Variants in RAD51B observed in about 807,000 individuals in gnomAD.
The protein encoded by RAD51B is RAD51 paralog B.
A neutral mutation model predicts 42.2 loss-of-function variants in RAD51B; 38 were observed. The observed-to-expected ratio is 0.90, with a 90% CI of 0.70 to 1.18. RAD51B has a LOEUF of 1.18. RAD51B is among the 50% of genes most tolerant of loss of function. The pLI is 0.00. For missense variants in RAD51B, 373 were observed against 400.7 expected (o/e 0.93, Z 0.59); for synonymous variants, 154 against 145.2 (o/e 1.06, Z -0.43).
At position 68,178,891 on chromosome 14, in the gene RAD51B, A is replaced by T. The variant is rs150520254; in HGVS notation, c.757-112993A>T. Among the ~76,000 whole-genome samples the T allele has an allele frequency of 4.6e-4, 70 of 152,336 alleles. 1 individual carries two copies. The East Asian group carries it at 0.013, about 27-fold the overall frequency. On this transcript the variant is annotated intron_variant, in intron 7 of 10. Coordinates refer to ENST00000471583, the MANE Select transcript of RAD51B (RefSeq NM_133510.4). The stretch of plus-strand genomic sequence containing the variant: ...AAAAATCATCTTTCCCTACTTTTTC[A>T]GGCATACTGAAGACAGAATCCTTTT...
chr14:68,007,743 T>C (rs1049127407), intron 7 of RAD51B, among the ~76,000 whole-genome samples: 1 of 151,976 alleles, frequency 6.6e-6, no homozygotes, highest in African/African-American at 2.4e-5. Flanking sequence ...GAGTTCTTTA[T>C]AGAGATACTT....
intron 10 of RAD51B, among the ~76,000 whole-genome samples, chr14:68,625,247 C>T (rs1216626891): frequency 6.6e-6 from 1 of 152,130 alleles, no homozygotes; most frequent in East Asian, 1.9e-4. Context: ...CTGCCCATGT[C>T]GTGAGATGTG....
chr14:67,972,947 G>A (rs2074925561), intron 7 of RAD51B, among the ~76,000 whole-genome samples: 1 of 152,220 alleles, frequency 6.6e-6, no homozygotes. Context: ...TCATTCTCTT[G>A]TATGAGTAGA....
intron 5 of RAD51B, among the ~76,000 whole-genome samples, chr14:67,881,392 T>G (rs1246418225): frequency 6.6e-6 from 1 of 152,212 alleles, no homozygotes; most frequent in East Asian, 1.9e-4. Flanking sequence ...GTCTGATACT[T>G]TCTGGTGGTT....
chr14:68,591,282 T>C (rs1566947763), intron 10 of RAD51B, among the ~76,000 whole-genome samples: 1 of 152,188 alleles, frequency 6.6e-6, no homozygotes, highest in Non-Finnish European at 1.5e-5. Context: ...GAAGAGTGAC[T>C]GTCCTCCATG....
chr14:68,290,079 G>A (rs965170396), intron 7 of RAD51B, among the ~76,000 whole-genome samples: 2 of 152,172 alleles, frequency 1.3e-5, no homozygotes, highest in African/African-American at 4.8e-5. Context: ...GATTTATAAT[G>A]TGTCACTGGT....
chr14:68,499,955 G>A (rs186083617), intron 10 of RAD51B, among the ~76,000 whole-genome samples: 109 of 152,312 alleles, frequency 7.2e-4, no homozygotes, highest in African/African-American at 2.5e-3. Flanking sequence ...AATGCAGTCA[G>A]GTTGCCCAGA....
At chr14:67,901,396 T>A (rs959782738) in intron 7 of RAD51B, among the ~76,000 whole-genome samples, 3 of 152,166 alleles carry the variant, frequency 2.0e-5, no homozygotes, top group African/African-American at 2.4e-5. Flanking sequence ...AAGTTCTTAA[T>A]CATATTTCTT....
intron 9 of RAD51B, among the ~76,000 whole-genome samples, chr14:68,461,119 A>C (rs1194922252): frequency 6.6e-6 from 1 of 152,102 alleles, no homozygotes; most frequent in East Asian, 1.9e-4. Context: ...ATAATTAGAG[A>C]GTACAGATAA....
At chr14:68,217,755 G>C (rs935531930) in intron 7 of RAD51B, among the ~76,000 whole-genome samples, 2 of 152,146 alleles carry the variant, frequency 1.3e-5, no homozygotes. Context: ...AGAAGAATTT[G>C]GAGCAGAGAG....
chr14:67,865,084 G>A lies in RAD51B; in HGVS notation c.397G>A (p.Gly133Arg). The A allele has an allele frequency of 1.3e-6, 2 of 1,596,900 alleles. No homozygotes were observed. The highest frequency in any genetic ancestry group is 1.7e-6 in the Non-Finnish European group (2 of 1,171,488). ...ILATLPTNMG[G>R]LEGAVVYIDT... Reference sequence around the variant, plus strand: ...GGCTACATTACCCACCAACATGGGAGGATTAGAAGGAGCTGTGGTGTACAT... The same window carrying A: ...GGCTACATTACCCACCAACATGGGAAGATTAGAAGGAGCTGTGGTGTACAT... The change falls in exon 5 of 11, where the codon GGA becomes AGA. Residue 133 changes from glycine to arginine, a missense_variant. Transcript: ENST00000471583.
chr14:68,323,031 G>C (rs1349030935), intron 8 of RAD51B, among the ~76,000 whole-genome samples: 1 of 152,234 alleles, frequency 6.6e-6, no homozygotes, highest in Non-Finnish European at 1.5e-5. Flanking sequence ...AACACACACA[G>C]AGGGAAAACA....
At chr14:68,550,398 A>G (rs1450360380) in intron 10 of RAD51B, among the ~76,000 whole-genome samples, 1 of 152,168 alleles carries the variant, frequency 6.6e-6, no homozygotes, top group African/African-American at 2.4e-5. Flanking sequence ...ATTGGTTTGG[A>G]CCAAATCCGG....
chr14:67,837,794 G>T (rs72725106), intron 4 of RAD51B, among the ~76,000 whole-genome samples: 14,808 of 152,166 alleles, frequency 0.097, 980 homozygotes, highest in Middle Eastern at 0.24. Context: ...TTTTGTGTGT[G>T]TTCGGAACAT....
At chr14:68,061,934 T>G (rs2076574196) in intron 7 of RAD51B, among the ~76,000 whole-genome samples, 1 of 152,240 alleles carries the variant, frequency 6.6e-6, no homozygotes, top group Non-Finnish European at 1.5e-5. Flanking sequence ...CGGTACTAAA[T>G]TGAATAAAAG....
chr14:68,540,889 T>G (rs1887927187), intron 10 of RAD51B: 17 of 985,382 alleles, frequency 1.7e-5, no homozygotes, highest in Non-Finnish European at 2.0e-5. Context: ...AAGGTTGAGT[T>G]GAAGAGTAGG....
chr14:67,956,537 A>C (rs1158059113), intron 7 of RAD51B, among the ~76,000 whole-genome samples: 1 of 152,208 alleles, frequency 6.6e-6, no homozygotes, highest in Non-Finnish European at 1.5e-5. Flanking sequence ...TGTGTCTACT[A>C]TCTATAAGAT....
intron 7 of RAD51B, among the ~76,000 whole-genome samples, chr14:68,071,597 A>C (rs934983302): frequency 2.0e-5 from 3 of 152,306 alleles, no homozygotes; most frequent in Middle Eastern, 3.4e-3. Flanking sequence ...CTTGCATCCC[A>C]GGAATAAAGC....
intron 8 of RAD51B, among the ~76,000 whole-genome samples, chr14:68,324,694 T>A (rs2082217758): frequency 1.3e-5 from 2 of 152,214 alleles, no homozygotes; most frequent in South Asian, 4.1e-4. Flanking sequence ...TTCACCTAGT[T>A]CCTTCAAATT....
Sources: allele counts gnomAD v4.1 joint callset (sites outside exome capture counted in the v4.1 genomes callset), GRCh38; gene constraint gnomAD v4.1.1; transcripts MANE v1.5; gene names NCBI Gene and HGNC (gene_info 2026-07-23, HGNC 2026-07-21).